Variants in CACNA1I observed in about 807,000 individuals in gnomAD.
CACNA1I encodes voltage-dependent T-type calcium channel subunit alpha-1I.
Under a neutral mutation model 201.6 loss-of-function variants are expected in CACNA1I, and 74 were observed. That is an observed-to-expected ratio of 0.37 (90% confidence interval 0.30 to 0.45). The LOEUF is 0.45. Among genes scored for constraint, CACNA1I ranks in the 20% least tolerant of loss-of-function variants. The pLI is 1.00. For missense variants in CACNA1I, 2,346 were observed against 3,138.1 expected (o/e 0.75, Z 6.03); for synonymous variants, 1,431 against 1,345.2 (o/e 1.06, Z -1.40).
intron 1 of CACNA1I, among the ~76,000 whole-genome samples, chr22:39,595,252 G>A (rs1932867602): frequency 6.6e-6 from 1 of 151,982 alleles, no homozygotes; most frequent in Non-Finnish European, 1.5e-5. Context: ...TCACGCCACT[G>A]CACTTCAGCC....
At chr22:39,593,132 C>G (rs132583) in intron 1 of CACNA1I, among the ~76,000 whole-genome samples, 138,376 of 152,298 alleles carry the variant, frequency 0.91, 63,072 homozygotes, top group Middle Eastern at 0.96. Flanking sequence ...CTGCCTCCTG[C>G]GGGGACCCAG....
chr22:39,574,984 G>A (rs1016854556), intron 1 of CACNA1I, among the ~76,000 whole-genome samples: 5 of 152,238 alleles, frequency 3.3e-5, no homozygotes, highest in Non-Finnish European at 5.9e-5. Flanking sequence ...CTGAGTCACC[G>A]CCTGACTCAC....
chr22:39,600,965 C>T (rs923495225), intron 3 of CACNA1I, among the ~76,000 whole-genome samples: 10 of 152,110 alleles, frequency 6.6e-5, no homozygotes, highest in African/African-American at 9.7e-5. Flanking sequence ...ATAGTAGCTG[C>T]GTCAAAATGA....
intron 1 of CACNA1I, among the ~76,000 whole-genome samples, chr22:39,572,871 C>T (rs1932231901): frequency 6.6e-6 from 1 of 152,140 alleles, no homozygotes; most frequent in African/African-American, 2.4e-5. Context: ...ATTCTCCTGC[C>T]TCAGCCTCCC....
chr22:39,651,061 C>T (rs1934632177), intron 10 of CACNA1I, among the ~76,000 whole-genome samples: 1 of 152,300 alleles, frequency 6.6e-6, no homozygotes, highest in Middle Eastern at 3.4e-3. Flanking sequence ...ATCCACCAGC[C>T]CCTGGATGGG....
chr22:39,623,732 A>G (rs1016919427), intron 4 of CACNA1I, among the ~76,000 whole-genome samples: 1 of 139,894 alleles, frequency 7.1e-6, no homozygotes, highest in Non-Finnish European at 1.5e-5. Context: ...TTATGAAAGT[A>G]TGCGTGCCTG....
At chr22:39,633,870 G>C (rs1194966660) in intron 4 of CACNA1I, among the ~76,000 whole-genome samples, 1 of 152,220 alleles carries the variant, frequency 6.6e-6, no homozygotes, top group Non-Finnish European at 1.5e-5. Flanking sequence ...TCTGAAGTTG[G>C]CTCTGGGGGC....
Position 39,666,136 on chromosome 22 carries a change from T to C in CACNA1I, c.4104+130T>C. 8.3e-7 allele frequency: 1 copy of C among 1,205,716 alleles called. No individual in the cohort carries two copies. Among genetic ancestry groups the C allele is most frequent in the Non-Finnish European group, 1.2e-6 (1 of 856,470 alleles). 74.7% of individuals were successfully genotyped at this position (1,205,716 alleles called of 1,614,324 possible). On this transcript the variant is annotated intron_variant, in intron 23 of 36. Transcript: ENST00000402142. The surrounding 1 kb of genome is among the most constrained non-coding windows in gnomAD (Gnocchi z 4.1). The stretch of plus-strand genomic sequence containing the variant: ...TGACTTCTCCTCTCCAAGCCTCAGT[T>C]TCCTCTTCTGCAAAATGGGTAAGGG...
intron 4 of CACNA1I, among the ~76,000 whole-genome samples, chr22:39,624,906 G>GTT (rs1172686844): frequency 7.4e-6 from 1 of 134,314 alleles, no homozygotes; most frequent in African/African-American, 2.7e-5. Flanking sequence ...CTGGGACACA[G>GTT]TCTTTTTTTT....
chr22:39,631,063 G>T (rs1934049960), intron 4 of CACNA1I, among the ~76,000 whole-genome samples: 1 of 152,214 alleles, frequency 6.6e-6, no homozygotes, highest in Admixed American at 6.5e-5. Flanking sequence ...TTTCCCATGG[G>T]GCGTATGGGC....
At chr22:39,635,095 G>C (rs1934172144) in intron 5 of CACNA1I, among the ~76,000 whole-genome samples, 1 of 152,136 alleles carries the variant, frequency 6.6e-6, no homozygotes, top group Non-Finnish European at 1.5e-5. Flanking sequence ...TGGAGGAGCT[G>C]GGCTTAGTTG....
intron 20 of CACNA1I, 109 bp from the exon 21 acceptor site, chr22:39,664,630 C>CCCCACCCCCACA: frequency 2.2e-6 from 1 of 459,070 alleles, no homozygotes. Context: ...CGCCCCCTCC[C>CCCCACCCCCACA]CGAAGCCGAT....
At chr22:39,588,977 G>T (rs775385798) in intron 1 of CACNA1I, among the ~76,000 whole-genome samples, 1 of 152,134 alleles carries the variant, frequency 6.6e-6, no homozygotes, top group African/African-American at 2.4e-5. Context: ...TACTCCATGC[G>T]GGCTTCTCAT....
intron 1 of CACNA1I, among the ~76,000 whole-genome samples, chr22:39,582,725 C>G (rs1028614903): frequency 6.7e-6 from 1 of 150,336 alleles, no homozygotes; most frequent in South Asian, 2.1e-4. Context: ...TACTCCCACT[C>G]ACCCATCTTC....
intron 17 of CACNA1I, 45 bp downstream of exon 17, chr22:39,662,480 G>T: frequency 7.5e-7 from 1 of 1,327,598 alleles, no homozygotes; most frequent in Non-Finnish European, 9.9e-7. Context: ...GGTGGGATAG[G>T]ACAGAAGTGG....
intron 32 of CACNA1I, 41 bp from the exon 33 acceptor site, chr22:39,679,681 T>A: frequency 6.4e-7 from 1 of 1,558,354 alleles, no homozygotes; most frequent in Non-Finnish European, 8.7e-7. Flanking sequence ...GGGACCCGGC[T>A]GATAATCCCG....
At chr22:39,603,425 T>C (rs960740323) in intron 3 of CACNA1I, among the ~76,000 whole-genome samples, 1 of 152,226 alleles carries the variant, frequency 6.6e-6, no homozygotes, top group Admixed American at 6.5e-5. Context: ...GAATAATTCA[T>C]TTCCTCAGTG....
chr22:39,634,540 A>T (rs1304478592), intron 4 of CACNA1I, 25 bp from the exon 5 acceptor site: 3 of 1,612,808 alleles, frequency 1.9e-6, no homozygotes, highest in Non-Finnish European at 2.5e-6. Context: ...CTGTCTGACC[A>T]TCCCTCCACC....
Position 39,685,590 on chromosome 22 carries a change from GC to G in CACNA1I, c.6028-168del, listed in dbSNP as rs1375958647. ...GGGGGACCTCTCGGGGCAGGTGAAG[GC>G]CCTGCGGTGACGCCGCCTAAGCTGG... On this transcript the variant is annotated intron_variant, in intron 36 of 36. Coordinates refer to ENST00000402142, the MANE Select transcript of CACNA1I (RefSeq NM_021096.4). The surrounding 1 kb of genome is among the most constrained non-coding windows in gnomAD (Gnocchi z 5.0). 6.6e-6 allele frequency among the ~76,000 whole-genome samples: 1 copy of G among 152,138 alleles called. No homozygotes were observed. Among genetic ancestry groups the G allele is most frequent in the Non-Finnish European group, 1.5e-5 (1 of 67,998 alleles).
Sources: gnomAD v4.1 joint callset for allele counts (sites outside exome capture counted in the v4.1 genomes callset) on GRCh38, gnomAD v4.1.1 for gene constraint, Gnocchi (gnomAD v3.1) non-coding constraint, MANE v1.5 for transcripts, NCBI Gene and HGNC (gene_info 2026-07-23, HGNC 2026-07-21) for gene names.